The following RHD variants were observed in gnomAD, a reference collection of about 807,000 sequenced individuals.
RHD encodes blood group Rh(D) polypeptide.
A neutral mutation model predicts 45.5 loss-of-function variants in RHD; 16 were observed. The observed-to-expected ratio is 0.35, with a 90% CI of 0.24 to 0.53. The LOEUF (loss-of-function observed/expected upper bound fraction) is 0.53, where lower values mean the gene tolerates loss of function less well. Ranked by LOEUF, RHD falls within the 20% of genes least tolerant of loss-of-function variation. RHD has a pLI of 0.92. For synonymous variants in RHD, 131 were observed against 217.5 expected (o/e 0.60, Z 3.50); for missense variants, 306 against 532.0 (o/e 0.58, Z 4.18).
intron 3 of RHD, chr1:25,294,203 C>T (rs1642744709): frequency 2.3e-6 from 2 of 851,666 alleles, no homozygotes; most frequent in Admixed American, 1.8e-5. Context: ...TGCAGATGCC[C>T]ACATCGTGAT....
intron 1 of RHD, among the ~76,000 whole-genome samples, chr1:25,278,292 G>A (rs1172759939): frequency 3.1e-5 from 4 of 130,512 alleles, no homozygotes; most frequent in Admixed American, 3.0e-4. Flanking sequence ...AGGTTGTGAG[G>A]ATGAATGAAC....
intron 1 of RHD, among the ~76,000 whole-genome samples, chr1:25,275,511 T>G (rs76975495): frequency 0.015 from 1,993 of 131,558 alleles, 286 homozygotes; most frequent in African/African-American, 0.049. Flanking sequence ...TAGTGTAGTA[T>G]TGACCTGAGG....
intron 9 of RHD, among the ~76,000 whole-genome samples, chr1:25,323,515 G>C (rs1644825577): frequency 7.9e-6 from 1 of 127,122 alleles, no homozygotes; most frequent in African/African-American, 2.7e-5. Flanking sequence ...CCGTAATGCA[G>C]TGGCACCATC....
chr1:25,284,193 T>G (rs1367851674), intron 1 of RHD, among the ~76,000 whole-genome samples: 1 of 136,202 alleles, frequency 7.3e-6, no homozygotes, highest in Non-Finnish European at 1.7e-5. Context: ...GGCCCTCATA[T>G]GCAATAACAG....
intron 8 of RHD, among the ~76,000 whole-genome samples, chr1:25,320,451 C>T (rs1410737789): frequency 3.0e-5 from 4 of 131,776 alleles, no homozygotes; most frequent in African/African-American, 1.0e-4. Context: ...TTCATGCAGG[C>T]GCCAGAGATC....
rs1644750420 is a variant in RHD, at chr1:25,322,258, A to T, written c.1227+296A>T. Reference sequence around the variant, plus strand: ...TCCCCCTATCTGCAGTCCTCAGCGTAGCCAAATAGTCTGACATGCGGGTGA... The same window carrying T: ...TCCCCCTATCTGCAGTCCTCAGCGTTGCCAAATAGTCTGACATGCGGGTGA... On this transcript the variant is annotated intron_variant, in intron 9 of 9. Transcript: ENST00000328664. Among the ~76,000 whole-genome samples, 3 of 132,680 alleles carry T rather than the reference A, an allele frequency of 2.3e-5. 1 individual carries two copies. In the East Asian group the frequency reaches 5.8e-4, roughly 26 times the overall value. The allele number at this position is 132,680 out of a possible 152,430, so 87.0% of individuals were successfully genotyped here.
At position 25,288,012 on chromosome 1, in the gene RHD, T is replaced by C. The variant is rs186501015; in HGVS notation, c.336-2629T>C. On this transcript the variant is annotated intron_variant, in intron 2 of 9. Coordinates refer to ENST00000328664, the MANE Select transcript of RHD (RefSeq NM_016124.6). The stretch of plus-strand genomic sequence containing the variant: ...TACTGGGATTACAGGCGTGAGCCAC[T>C]GTGTCCAGCCTAAAACTGTTTTTGA... Among the ~76,000 whole-genome samples, 390 of 132,614 alleles carry C rather than the reference T, an allele frequency of 2.9e-3. 62 individuals are homozygous for C. Among genetic ancestry groups the C allele is most frequent in the African/African-American group, 9.6e-3 (375 of 38,960 alleles). 87.0% of individuals were successfully genotyped at this position (132,614 alleles called of 152,430 possible).
In RHD at chr1:25,329,037, C is replaced by T. The variant is rs760501886; in HGVS notation, c.*113C>T. On this transcript the variant is annotated 3_prime_UTR_variant, in exon 10 of 10. Coordinates refer to ENST00000328664, the MANE Select transcript of RHD (RefSeq NM_016124.6). Reference sequence around the variant, plus strand: ...ATGACAGCAAAGTCTCCAATGTTCGCGCAGGCACTGGAGTCAGAGAAAATG... The same window carrying T: ...ATGACAGCAAAGTCTCCAATGTTCGTGCAGGCACTGGAGTCAGAGAAAATG... The T allele has an allele frequency of 5.8e-6, 8 of 1,376,870 alleles. 1 individual carries two copies. The highest frequency in any genetic ancestry group is 7.2e-6 in the Non-Finnish European group (7 of 977,538). The allele number at this position is 1,376,870 out of a possible 1,614,324, so 85.3% of individuals were successfully genotyped here.
At chr1:25,278,964 A>T (rs1174635324) in intron 1 of RHD, among the ~76,000 whole-genome samples, 1 of 129,234 alleles carries the variant, frequency 7.7e-6, no homozygotes, top group African/African-American at 2.7e-5. Flanking sequence ...GGTCAACCCT[A>T]GAGCCTGGGA....
chr1:25,277,526 T>A (rs2124597266), intron 1 of RHD, among the ~76,000 whole-genome samples: 1 of 132,658 alleles, frequency 7.5e-6, no homozygotes, highest in South Asian at 2.3e-4. Flanking sequence ...CTGATTCAAA[T>A]CTTGCCTCTG....
chr1:25,300,558 C>T (rs1340934686), intron 3 of RHD, among the ~76,000 whole-genome samples: 1 of 128,726 alleles, frequency 7.8e-6, no homozygotes, highest in Non-Finnish European at 1.8e-5. Flanking sequence ...GCCTGTAATC[C>T]CAGCACTTTG....
rs187356710 is a variant in RHD, at chr1:25,299,810, C to T, written c.487-1136C>T. Among the ~76,000 whole-genome samples the T allele has an allele frequency of 2.7e-3, 359 of 131,910 alleles. 60 individuals carry two copies. The highest frequency in any genetic ancestry group is 8.4e-3 in the African/African-American group (323 of 38,350). The allele number at this position is 131,910 out of a possible 152,430, so 86.5% of individuals were successfully genotyped here. On this transcript the variant is annotated intron_variant, in intron 3 of 9. Transcript: ENST00000328664. The stretch of plus-strand genomic sequence containing the variant: ...TGTCGCTGAAGCTGGAGTGCAGTGG[C>T]GACATCTCAGCTCACTATAGCCTCC...
chr1:25,303,243 C>T lies in RHD; in HGVS notation c.802-79C>T, dbSNP rs976459714. The T allele has an allele frequency of 1.7e-5, 18 of 1,048,212 alleles. 4 individuals are homozygous for T. The highest frequency in any genetic ancestry group is 1.7e-4 in the African/African-American group (11 of 64,536). The allele number at this position is 1,048,212 out of a possible 1,614,324, so 64.9% of individuals were successfully genotyped here. A position where few individuals can be genotyped will look rare whatever the true frequency, so the allele number is the denominator to read the frequency against. Reference sequence around the variant, plus strand: ...AGGATGTTACAGGGTTGCCTTGTTCCCAGCGTGCTGGTCACTTGCAGCAAG... The same window carrying T: ...AGGATGTTACAGGGTTGCCTTGTTCTCAGCGTGCTGGTCACTTGCAGCAAG... On this transcript the variant is annotated intron_variant, in intron 5 of 9. Transcript: ENST00000328664.
chr1:25,285,192 T>A (rs1641865121), intron 2 of RHD, among the ~76,000 whole-genome samples: 1 of 131,154 alleles, frequency 7.6e-6, no homozygotes, highest in African/African-American at 2.7e-5. Flanking sequence ...TGGAGTGCAA[T>A]GGCGCTATCT....
At chr1:25,319,685 C>T (rs1644592343) in intron 8 of RHD, among the ~76,000 whole-genome samples, 1 of 132,152 alleles carries the variant, frequency 7.6e-6, no homozygotes, top group East Asian at 2.0e-4. Context: ...ACCAAATGGA[C>T]TCCCAGAAGA....
intron 8 of RHD, among the ~76,000 whole-genome samples, chr1:25,320,850 T>G (rs1644658673): frequency 7.6e-6 from 1 of 131,030 alleles, no homozygotes. Context: ...AAGACCAGCC[T>G]GGGCAACATG....
chr1:25,306,042 G>A (rs930632556), intron 6 of RHD, among the ~76,000 whole-genome samples: 4 of 131,470 alleles, frequency 3.0e-5, no homozygotes, highest in Middle Eastern at 3.7e-3. Flanking sequence ...GTAGGGATCT[G>A]AAGGTGTGGC....
At chr1:25,322,573 T>C (rs1361640989) in intron 9 of RHD, among the ~76,000 whole-genome samples, 1 of 132,390 alleles carries the variant, frequency 7.6e-6, no homozygotes, top group Non-Finnish European at 1.8e-5. Flanking sequence ...CTCAGGAGGC[T>C]GAGGCAGGAG....
At chr1:25,307,160 T>G (rs1383781824) in intron 7 of RHD, among the ~76,000 whole-genome samples, 1 of 132,476 alleles carries the variant, frequency 7.5e-6, no homozygotes, top group African/African-American at 2.6e-5. Context: ...CTATCTCCCC[T>G]CACAGGACTG....
Sources: allele counts gnomAD v4.1 joint callset (sites outside exome capture counted in the v4.1 genomes callset), GRCh38; gene constraint gnomAD v4.1.1; transcripts MANE v1.5; gene names NCBI Gene and HGNC (gene_info 2026-07-23, HGNC 2026-07-21).